FAM193B: variants seen among roughly 807,000 people sequenced by gnomAD.
FAM193B encodes family with sequence similarity 193 member B, also known as protein FAM193B.
In FAM193B, 27 loss-of-function variants were observed where a neutral mutation model predicts 70.7. The ratio of observed to expected loss-of-function variants is 0.38; its 90% CI spans 0.28 to 0.53. FAM193B has a LOEUF of 0.53. FAM193B is among the 20% of genes least tolerant of loss of function. The pLI, the probability that FAM193B is intolerant of heterozygous loss-of-function variation, is 0.81. For missense variants in FAM193B, 1,022 were observed against 1,072.5 expected, an observed-to-expected ratio of 0.95 and a Z score of 0.66; for synonymous variants, 448 against 436.0, an observed-to-expected ratio of 1.03 and a Z score of -0.34.
chr5:177,552,514 C>A (rs544654958), intron 1 of FAM193B, among the ~76,000 whole-genome samples: 1 of 152,344 alleles, frequency 6.6e-6, no homozygotes, highest in East Asian at 1.9e-4. Flanking sequence ...TTTTTGGCAT[C>A]TCTATGTGGC....
At chr5:177,530,397 C>A (rs1763271084) in intron 5 of FAM193B, among the ~76,000 whole-genome samples, 1 of 152,180 alleles carries the variant, frequency 6.6e-6, no homozygotes, top group Non-Finnish European at 1.5e-5. Flanking sequence ...TGCTGGTCAC[C>A]AAGCAAACAC....
intron 4 of FAM193B, 163 bp downstream of exon 4, chr5:177,536,195 G>A (rs555918770): frequency 2.6e-6 from 2 of 772,758 alleles, no homozygotes; most frequent in African/African-American, 1.8e-5. Flanking sequence ...GTATAGGTGT[G>A]AGCCACTGTG....
chr5:177,536,783 G>T, intron 3 of FAM193B, 38 bp from the exon 4 acceptor site: 1 of 1,536,842 alleles, frequency 6.5e-7, no homozygotes. Context: ...CAGAATGGGA[G>T]CCCAGACCTG....
chr5:177,524,314 C>A lies in FAM193B; in HGVS notation c.2167G>T (p.Ala723Ser). Residue 723 changes from alanine to serine, a missense_variant, in exon 6 of 9, where the codon GCC becomes TCC. By Grantham distance (99) the Ala-to-Ser change is moderately conservative. Coordinates refer to ENST00000514747, the MANE Select transcript of FAM193B (RefSeq NM_001190946.3). ...TCCTGCTCCTGAGGCCGTGCCTTGG[C>A]CTCGCCTGGCCAGTTTCGCCAGGAG... is the stretch of plus-strand genomic sequence containing the variant. ...GSSWRNWPGE[A>S]KARPQEQESV... 1 of 1,584,018 alleles carries A rather than the reference C, an allele frequency of 6.3e-7. No homozygotes were observed. Among genetic ancestry groups the A allele is most frequent in the South Asian group, 1.1e-5 (1 of 86,960 alleles).
At chr5:177,539,190 C>G in intron 1 of FAM193B, 43 bp from the exon 2 acceptor site, 2 of 1,500,756 alleles carry the variant, frequency 1.3e-6, no homozygotes, top group Non-Finnish European at 1.8e-6. Context: ...AGGGGAAAGG[C>G]TCTCCTTCAA....
intron 6 of FAM193B, 23 bp from the exon 7 acceptor site, chr5:177,524,055 G>A (rs375666731): frequency 6.2e-7 from 1 of 1,613,816 alleles, no homozygotes; most frequent in Admixed American, 1.7e-5. Context: ...AGCCAGGAGG[G>A]CTCAGTGCCC....
intron 4 of FAM193B, among the ~76,000 whole-genome samples, chr5:177,533,978 A>C (rs1280912753): frequency 1.3e-5 from 2 of 152,364 alleles, no homozygotes. Flanking sequence ...ATACGCCTGA[A>C]ACATCCCATA....
intron 7 of FAM193B, 26 bp from the exon 8 acceptor site, chr5:177,522,097 A>C (rs1216501066): frequency 6.3e-7 from 1 of 1,581,006 alleles, no homozygotes; most frequent in Non-Finnish European, 8.7e-7. Context: ...GACACATGAG[A>C]AGCACAATCA....
intron 1 of FAM193B, chr5:177,553,452 G>C: frequency 9.1e-7 from 1 of 1,097,250 alleles, no homozygotes; most frequent in Non-Finnish European, 1.1e-6. Context: ...CAGAGCAACC[G>C]TGGCCCATGT....
chr5:177,531,594 C>T, intron 5 of FAM193B: 2 of 1,146,050 alleles, frequency 1.7e-6, no homozygotes, highest in Non-Finnish European at 2.2e-6. Flanking sequence ...CCCACGGGCA[C>T]CAAGTATGTG....
intron 6 of FAM193B, 35 bp from the exon 7 acceptor site, chr5:177,524,067 T>C (rs757245014): frequency 2.2e-5 from 35 of 1,613,638 alleles, no homozygotes; most frequent in Non-Finnish European, 2.9e-5. Context: ...TCAGTGCCCA[T>C]GGCCAGGCCT....
Position 177,524,526 on chromosome 5 carries a change from G to C in FAM193B, c.1955C>G (p.Ala652Gly). The C allele has an allele frequency of 1.9e-6, 3 of 1,612,334 alleles. No individual in the cohort carries two copies. Among genetic ancestry groups the C allele is most frequent in the Non-Finnish European group, 1.7e-6 (2 of 1,179,488 alleles). The change falls in exon 6 of 9, where the codon GCC (alanine) becomes GGC (glycine). Residue 652 changes from alanine to glycine, a missense_variant. Ala to Gly is a moderately conservative substitution (Grantham distance 60). Transcript: ENST00000514747. ...CTCTAGGCTGGCTGGGGGCCGGGGG[G>C]CTGGGCTTGCCTCGCTCTTCTTGGC... Reference protein sequence around the residue: ...SQAKKSEASPAPRPPASLEVP... With the variant: ...SQAKKSEASPGPRPPASLEVP...
intron 1 of FAM193B, chr5:177,553,107 G>GC (rs1176665360): frequency 5.5e-6 from 5 of 914,396 alleles, no homozygotes; most frequent in Non-Finnish European, 6.5e-6. Flanking sequence ...GGCACCTGAC[G>GC]CAACTGGGGA....
chr5:177,522,782 T>C (rs1417586338), intron 7 of FAM193B, among the ~76,000 whole-genome samples: 1 of 152,270 alleles, frequency 6.6e-6, no homozygotes, highest in Admixed American at 6.5e-5. Context: ...TGGCACAATC[T>C]TGGCTTACTG....
At chr5:177,543,745 G>C (rs1252116418) in intron 1 of FAM193B, among the ~76,000 whole-genome samples, 1 of 152,202 alleles carries the variant, frequency 6.6e-6, no homozygotes, top group Admixed American at 6.5e-5. Context: ...CTTTGACTGT[G>C]ATCTGCTGCC....
chr5:177,539,364 G>A (rs908443068), intron 1 of FAM193B: 2 of 558,148 alleles, frequency 3.6e-6, no homozygotes, highest in East Asian at 3.3e-5. Flanking sequence ...AGTTAAATGA[G>A]TTGCCCAAGG....
chr5:177,552,971 T>C (rs191105114), intron 1 of FAM193B, among the ~76,000 whole-genome samples: 1 of 152,278 alleles, frequency 6.6e-6, no homozygotes, highest in Admixed American at 6.5e-5. Flanking sequence ...CAGAGAAAGA[T>C]GGCATAGCCT....
intron 1 of FAM193B, among the ~76,000 whole-genome samples, chr5:177,549,208 T>C (rs1226909450): frequency 2.2e-5 from 2 of 90,150 alleles, no homozygotes; most frequent in East Asian, 6.1e-4. Flanking sequence ...TTTTTTTTTT[T>C]TGAGAAAGGA....
chr5:177,547,282 A>ATTTTTTTTTTTTT (rs142591142), intron 1 of FAM193B: 1 of 24,688 alleles, frequency 4.1e-5, no homozygotes, highest in African/African-American at 1.4e-4. Flanking sequence ...AACCAAATTT[A>ATTTTTTTTTTTTT]TTTCTTTTTT....
Sources: allele counts gnomAD v4.1 joint callset (sites outside exome capture counted in the v4.1 genomes callset), GRCh38; gene constraint gnomAD v4.1.1; transcripts MANE v1.5; gene names NCBI Gene and HGNC (gene_info 2026-07-23, HGNC 2026-07-21).